Variants in TRIM37 observed in about 807,000 individuals in gnomAD.
TRIM37 encodes the protein tripartite motif containing 37, also known as E3 ubiquitin-protein ligase TRIM37.
TRIM37 carries 80 observed loss-of-function variants against 129.8 expected under a neutral mutation model. That is an observed-to-expected ratio of 0.62 (90% confidence interval 0.51 to 0.74). The LOEUF (loss-of-function observed/expected upper bound fraction) is 0.74. TRIM37 is among the 30% of genes least tolerant of loss of function. The probability of loss-of-function intolerance (pLI) is 0.00; values close to 1 mark genes in which losing one functional copy is unlikely to be tolerated. For synonymous variants in TRIM37, 389 were observed against 387.1 expected, an observed-to-expected ratio of 1.00 and a Z score of -0.06; for missense variants, 1,054 against 1,176.5, an observed-to-expected ratio of 0.90 and a Z score of 1.52.
intron 17 of TRIM37, among the ~76,000 whole-genome samples, chr17:59,035,772 CA>C (rs993555555): frequency 1.3e-5 from 2 of 151,612 alleles, no homozygotes; most frequent in Admixed American, 6.6e-5. Context: ...ACCAAAAAAA[CA>C]AAAAAACAAC....
chr17:58,985,802 C>T (rs1216678019), intron 24 of TRIM37, among the ~76,000 whole-genome samples: 1 of 152,154 alleles, frequency 6.6e-6, no homozygotes, highest in Admixed American at 6.5e-5. Flanking sequence ...CAAAAATCTT[C>T]AACTCCTAAT....
downstream of TRIM37, chr17:58,980,986 T>C (rs1271645522): frequency 2.5e-6 from 4 of 1,613,648 alleles, no homozygotes; most frequent in East Asian, 2.2e-5. This position sits in a 1 kb window ranked among gnomAD's most constrained non-coding sequence, Gnocchi z 4.7. Context: ...GAAAGACTCA[T>C]GATATTCCAT....
intron 19 of TRIM37, among the ~76,000 whole-genome samples, chr17:59,017,945 AGATT>A (rs1273078241): frequency 6.6e-6 from 1 of 152,202 alleles, no homozygotes; most frequent in East Asian, 1.9e-4. Context: ...TTAACTTAAA[AGATT>A]ATCTGTGAGC....
intron 16 of TRIM37, 79 bp from the exon 17 acceptor site, chr17:59,041,977 T>C: frequency 2.1e-6 from 2 of 946,972 alleles, no homozygotes; most frequent in Admixed American, 1.9e-5. Context: ...AATTTTATGA[T>C]ATGCAGATTT....
intron 19 of TRIM37, among the ~76,000 whole-genome samples, chr17:59,027,418 G>A (rs1402492328): frequency 6.6e-6 from 1 of 152,130 alleles, no homozygotes; most frequent in Non-Finnish European, 1.5e-5. Context: ...ACTCAGCCCT[G>A]CTGATCTAAG....
chr17:59,040,207 A>C (rs1299593529), intron 17 of TRIM37, among the ~76,000 whole-genome samples: 1 of 152,152 alleles, frequency 6.6e-6, no homozygotes, highest in East Asian at 1.9e-4. Context: ...AGACTGGTAG[A>C]GAAGTAACAT....
chr17:59,047,536 G>A, intron 16 of TRIM37, 147 bp downstream of exon 16: 5 of 773,950 alleles, frequency 6.5e-6, no homozygotes, highest in Non-Finnish European at 1.0e-5. Context: ...TATTGGCTAA[G>A]AGCCCAGAGA....
intron 8 of TRIM37, among the ~76,000 whole-genome samples, chr17:59,072,320 G>A (rs181199886): frequency 6.6e-6 from 1 of 152,248 alleles, no homozygotes; most frequent in East Asian, 1.9e-4. Flanking sequence ...ATTTTGTTAT[G>A]ACAGGCCTAG....
At chr17:58,980,440 C>A, downstream of TRIM37, 1 of 1,614,036 alleles carries the variant, frequency 6.2e-7, no homozygotes, top group Non-Finnish European at 8.5e-7. This position sits in a 1 kb window ranked among gnomAD's most constrained non-coding sequence, Gnocchi z 4.7. Context: ...GCCCAGGGTC[C>A]CAAATCAACG....
At chr17:59,084,651 A>T (rs936631296) in intron 4 of TRIM37, among the ~76,000 whole-genome samples, 2 of 152,218 alleles carry the variant, frequency 1.3e-5, no homozygotes, top group African/African-American at 4.8e-5. Flanking sequence ...TCAAATTCAT[A>T]GGTTAAAGCC....
At chr17:59,072,741 C>A (rs1244960768) in intron 8 of TRIM37, among the ~76,000 whole-genome samples, 1 of 135,246 alleles carries the variant, frequency 7.4e-6, no homozygotes, top group South Asian at 2.5e-4. Flanking sequence ...AGGCAAGACT[C>A]TGTCTCAAAA....
chr17:59,079,149 A>C (rs569588124), intron 7 of TRIM37, among the ~76,000 whole-genome samples: 1 of 152,254 alleles, frequency 6.6e-6, no homozygotes, highest in South Asian at 2.1e-4. Flanking sequence ...TTAGTCAGCA[A>C]AACACTGGAA....
chr17:59,094,870 G>A (rs1441656337), intron 2 of TRIM37, among the ~76,000 whole-genome samples: 1 of 152,142 alleles, frequency 6.6e-6, no homozygotes, highest in African/African-American at 2.4e-5. Flanking sequence ...CAGAGAAAAG[G>A]CCAGGACTGA....
chr17:58,980,781 A>ACTAC, downstream of TRIM37: 1 of 1,614,156 alleles, frequency 6.2e-7, no homozygotes. This position sits in a 1 kb window ranked among gnomAD's most constrained non-coding sequence, Gnocchi z 4.7. Context: ...TTACGCCACC[A>ACTAC]CTACTCAAAG....
At chr17:58,983,743 T>TA (rs1555626269) in intron 24 of TRIM37, 1 of 152,680 alleles carries the variant, frequency 6.5e-6, no homozygotes, top group Non-Finnish European at 1.5e-5. Context: ...ACTCAATCCT[T>TA]AAAGAGTGGC....
At chr17:58,993,576 A>C (rs2032667608), downstream of TRIM37, among the ~76,000 whole-genome samples, 4 of 152,210 alleles carry the variant, frequency 2.6e-5, no homozygotes, top group Admixed American at 2.0e-4. Context: ...GCAAAAACTA[A>C]AAGGGCAGAG....
intron 6 of TRIM37, 72 bp downstream of exon 6, chr17:59,081,023 CTT>C (rs1456275142): frequency 2.2e-6 from 2 of 903,788 alleles, no homozygotes; most frequent in East Asian, 5.1e-5. Context: ...ATCTGATTAA[CTT>C]ATATTATATA....
At chr17:59,074,747 G>A (rs1435435663) in intron 8 of TRIM37, among the ~76,000 whole-genome samples, 2 of 152,112 alleles carry the variant, frequency 1.3e-5, no homozygotes, top group Non-Finnish European at 2.9e-5. Context: ...GGCATAGAGA[G>A]AAATTACAAA....
At chr17:59,041,992 G>T in intron 16 of TRIM37, 94 bp from the exon 17 acceptor site, 1 of 845,186 alleles carries the variant, frequency 1.2e-6, no homozygotes, top group Non-Finnish European at 2.0e-6. Context: ...AGATTTTTCT[G>T]TGAAATAAGA....
Sources: gnomAD v4.1 joint callset for allele counts (sites outside exome capture counted in the v4.1 genomes callset) on GRCh38, gnomAD v4.1.1 for gene constraint, Gnocchi (gnomAD v3.1) non-coding constraint, MANE v1.5 for transcripts, NCBI Gene and HGNC (gene_info 2026-07-23, HGNC 2026-07-21) for gene names.